Variants in SGCZ observed in about 807,000 individuals in gnomAD.
SGCZ encodes sarcoglycan zeta, also known as zeta-sarcoglycan.
In SGCZ, 40 loss-of-function variants were observed where a neutral mutation model predicts 41.3. That is an observed-to-expected ratio of 0.97 (90% CI 0.75 to 1.26). SGCZ has a LOEUF of 1.26. Ranked by LOEUF, SGCZ falls within the 50% of genes most tolerant of loss-of-function variation. SGCZ has a pLI of 0.00. For missense variants in SGCZ, 552 were observed against 369.8 expected (o/e 1.49, Z -4.04); for synonymous variants, 206 against 137.5 (o/e 1.50, Z -3.49).
Position 14,624,555 on chromosome 8 carries a change from A to ATTATTATTTT in SGCZ, c.40-69630_40-69629insAAAATAATAA, listed in dbSNP as rs1438250019. Among the ~76,000 whole-genome samples, 39 of 96,216 alleles carry ATTATTATTTT rather than the reference A, an allele frequency of 4.1e-4. 2 individuals carry two copies. Among genetic ancestry groups the ATTATTATTTT allele is most frequent in the African/African-American group, 4.8e-4 (12 of 25,202 alleles). The allele number at this position is 96,216 out of a possible 152,430, so 63.1% of individuals were successfully genotyped here. On this transcript the variant is annotated intron_variant, in intron 1 of 7. Coordinates refer to ENST00000382080, the MANE Select transcript of SGCZ (RefSeq NM_139167.4). ...ATCACTCCCCAATTTTATTATTATT[A>ATTATTATTTT]TTTTTTTTTTTTTTTTTTTTTTTTT...
chr8:14,918,847 G>A (rs1226849713), intron 1 of SGCZ, among the ~76,000 whole-genome samples: 2 of 152,158 alleles, frequency 1.3e-5, no homozygotes, highest in African/African-American at 2.4e-5. Context: ...GTGCCAAGAG[G>A]CAGCTAAATA....
chr8:14,164,740 T>C, intron 4 of SGCZ, 38 bp from the exon 5 acceptor site: 1 of 1,606,308 alleles, frequency 6.2e-7, no homozygotes, highest in African/African-American at 1.3e-5. Context: ...GAAACTGGTA[T>C]GCAGGAAACC....
chr8:15,202,836 C>A (rs75587175), intron 1 of SGCZ, among the ~76,000 whole-genome samples: 9,079 of 152,102 alleles, frequency 0.06, 307 homozygotes, highest in African/African-American at 0.078. Flanking sequence ...CCTGGCCGGG[C>A]CTGGTGGCTC....
At chr8:14,870,051 C>G (rs978311224) in intron 1 of SGCZ, among the ~76,000 whole-genome samples, 1 of 152,138 alleles carries the variant, frequency 6.6e-6, no homozygotes, top group African/African-American at 2.4e-5. Context: ...CTACCATTGA[C>G]TTTCTTCACA....
intron 1 of SGCZ, among the ~76,000 whole-genome samples, chr8:15,047,082 A>G (rs962228395): frequency 2.6e-5 from 4 of 152,050 alleles, no homozygotes; most frequent in African/African-American, 9.7e-5. Context: ...TGATGGATAT[A>G]TATCAATGTA....
At chr8:14,769,158 G>A (rs1800143937) in intron 1 of SGCZ, among the ~76,000 whole-genome samples, 1 of 151,876 alleles carries the variant, frequency 6.6e-6, no homozygotes, top group Non-Finnish European at 1.5e-5. Context: ...AAACCTTTAG[G>A]GAGCGAGGGA....
chr8:14,242,617 G>A (rs1798931331), intron 3 of SGCZ, among the ~76,000 whole-genome samples: 1 of 152,114 alleles, frequency 6.6e-6, no homozygotes, highest in Non-Finnish European at 1.5e-5. Context: ...GGCAATGTGT[G>A]CTTTTATGAT....
intron 3 of SGCZ, among the ~76,000 whole-genome samples, chr8:14,263,996 A>G (rs1799771530): frequency 6.6e-6 from 1 of 152,226 alleles, no homozygotes; most frequent in African/African-American, 2.4e-5. Context: ...CACGGCCCAC[A>G]GACAGATAGA....
At chr8:14,263,678 A>C (rs1192403083) in intron 3 of SGCZ, among the ~76,000 whole-genome samples, 1 of 152,210 alleles carries the variant, frequency 6.6e-6, no homozygotes, top group African/African-American at 2.4e-5. Flanking sequence ...CATCAAATTT[A>C]GCAACTATTC....
chr8:14,092,601 C>G (rs1213552158), intron 7 of SGCZ, among the ~76,000 whole-genome samples: 3 of 151,910 alleles, frequency 2.0e-5, no homozygotes, highest in Non-Finnish European at 2.9e-5. Context: ...GCAGTTTCCC[C>G]CATGCTGTTC....
intron 1 of SGCZ, among the ~76,000 whole-genome samples, chr8:15,130,723 A>T (rs1309500360): frequency 1.3e-5 from 2 of 152,234 alleles, no homozygotes; most frequent in African/African-American, 4.8e-5. Flanking sequence ...TATTGTAAAT[A>T]ATTGTAAGCA....
chr8:14,318,615 C>T (rs946113471), intron 3 of SGCZ, among the ~76,000 whole-genome samples: 2 of 151,822 alleles, frequency 1.3e-5, no homozygotes, highest in African/African-American at 2.4e-5. Flanking sequence ...TGGAAGTATT[C>T]TACAGGAGAG....
At chr8:14,985,754 C>G (rs1801808384) in intron 1 of SGCZ, among the ~76,000 whole-genome samples, 1 of 152,168 alleles carries the variant, frequency 6.6e-6, no homozygotes, top group Non-Finnish European at 1.5e-5. Context: ...GGCCAGGTAG[C>G]TGAAGAACAT....
Position 15,218,350 on chromosome 8 carries a change from G to T in SGCZ, c.39+19235C>A, listed in dbSNP as rs145514807. On this transcript the variant is annotated intron_variant, in intron 1 of 7. Coordinates refer to ENST00000382080, the MANE Select transcript of SGCZ (RefSeq NM_139167.4). ...CTGAGACTAGTTTAGCAAAAAAGTA[G>T]TTAAACTTGGTGAGATGTGAAATTA... Among the ~76,000 whole-genome samples, 786 of 152,298 alleles carry T rather than the reference G, an allele frequency of 5.2e-3. 6 individuals are homozygous for T. The highest frequency in any genetic ancestry group is 0.02 in the Middle Eastern group (6 of 294).
At chr8:14,257,125 T>C (rs757862018) in intron 3 of SGCZ, among the ~76,000 whole-genome samples, 14 of 152,164 alleles carry the variant, frequency 9.2e-5, no homozygotes, top group African/African-American at 2.2e-4. Flanking sequence ...ATCCACGACA[T>C]TGAGACCCAC....
At chr8:14,551,498 T>TTATATATAA (rs1803827612) in intron 2 of SGCZ, among the ~76,000 whole-genome samples, 1 of 10,002 alleles carries the variant, frequency 1.0e-4, no homozygotes, top group Non-Finnish European at 1.6e-4. Context: ...ATTATATATA[T>TTATATATAA]TATATATATT....
At chr8:15,171,486 C>A (rs1232766787) in intron 1 of SGCZ, among the ~76,000 whole-genome samples, 1 of 152,170 alleles carries the variant, frequency 6.6e-6, no homozygotes, top group East Asian at 1.9e-4. Flanking sequence ...AGGACACCAG[C>A]CCTTCAGAGT....
chr8:14,708,594 G>A (rs1233922288), intron 1 of SGCZ, among the ~76,000 whole-genome samples: 2 of 151,816 alleles, frequency 1.3e-5, no homozygotes, highest in African/African-American at 4.8e-5. Flanking sequence ...CTTGGAAAGG[G>A]CTCTCAGGAA....
intron 2 of SGCZ, among the ~76,000 whole-genome samples, chr8:14,509,375 A>C (rs1802403246): frequency 6.6e-6 from 1 of 152,216 alleles, no homozygotes; most frequent in South Asian, 2.1e-4. Flanking sequence ...TGCAAAAGTG[A>C]GTTAAAATGA....
Sources: gnomAD v4.1 joint callset for allele counts (sites outside exome capture counted in the v4.1 genomes callset) on GRCh38, gnomAD v4.1.1 for gene constraint, MANE v1.5 for transcripts, NCBI Gene and HGNC (gene_info 2026-07-23, HGNC 2026-07-21) for gene names.